The following APC variants were observed in gnomAD, a reference collection of about 807,000 sequenced individuals.
The protein encoded by APC is APC regulator of Wnt signaling pathway.
Under a neutral mutation model 247.0 loss-of-function variants are expected in APC, and 72 were observed. That is an observed-to-expected ratio of 0.29 (90% CI 0.24 to 0.35). The LOEUF (loss-of-function observed/expected upper bound fraction) is 0.35, where lower values mean the gene tolerates loss of function less well. Among genes scored for constraint, APC ranks in the 10% least tolerant of loss-of-function variants. The probability of loss-of-function intolerance (pLI) is 1.00; values close to 1 mark genes in which losing one functional copy is unlikely to be tolerated. For missense variants in APC, 3,400 were observed against 3,360.7 expected (o/e 1.01, Z -0.29); for synonymous variants, 1,254 against 1,162.5 (o/e 1.08, Z -1.60).
chr5:112,740,423 G>T (rs1344483877), intron 1 of APC, among the ~76,000 whole-genome samples: 1 of 151,718 alleles, frequency 6.6e-6, no homozygotes, highest in African/African-American at 2.4e-5. Context: ...CTCTGATATG[G>T]CCTGAATTGT....
intron 4 of APC, among the ~76,000 whole-genome samples, chr5:112,767,826 T>C (rs900344057): frequency 2.0e-5 from 3 of 149,784 alleles, no homozygotes; most frequent in African/African-American, 7.4e-5. Context: ...AGACGGGGTT[T>C]CTTCATGTTG....
At chr5:112,757,997 C>G (rs1755187818) in intron 2 of APC, among the ~76,000 whole-genome samples, 1 of 152,140 alleles carries the variant, frequency 6.6e-6, no homozygotes, top group East Asian at 1.9e-4. Flanking sequence ...GATGCCTGAG[C>G]TTTATTTTAA....
At chr5:112,829,213 A>C (rs1764057631) in intron 14 of APC, 1 of 386,474 alleles carries the variant, frequency 2.6e-6, no homozygotes, top group Non-Finnish European at 4.9e-6. Context: ...ATCTTGGCTC[A>C]CTGCAACCTC....
intron 1 of APC, among the ~76,000 whole-genome samples, chr5:112,719,003 A>G (rs1464787996): frequency 6.6e-6 from 1 of 152,174 alleles, no homozygotes; most frequent in Non-Finnish European, 1.5e-5. Context: ...GACAGAGGAT[A>G]TTTTGTATGA....
chr5:112,794,714 C>T (rs138697007), intron 7 of APC, among the ~76,000 whole-genome samples: 1 of 152,308 alleles, frequency 6.6e-6, no homozygotes, highest in African/African-American at 2.4e-5. Context: ...CAAGACTGCT[C>T]CCACCTCAGA....
At chr5:112,789,290 A>G (rs1050450399) in intron 6 of APC, among the ~76,000 whole-genome samples, 1 of 152,242 alleles carries the variant, frequency 6.6e-6, no homozygotes, top group African/African-American at 2.4e-5. Flanking sequence ...TGCTGCAGTG[A>G]GCATTTCCTT....
At chr5:112,760,485 A>G (rs753225176) in intron 2 of APC, among the ~76,000 whole-genome samples, 28 of 152,114 alleles carry the variant, frequency 1.8e-4, no homozygotes, top group Non-Finnish European at 3.2e-4. Flanking sequence ...TGAGTTTACA[A>G]CCTCCAAGAG....
intron 1 of APC, among the ~76,000 whole-genome samples, chr5:112,730,053 G>A (rs899420517): frequency 6.6e-6 from 1 of 152,098 alleles, no homozygotes; most frequent in African/African-American, 2.4e-5. Context: ...ACATAAAGAT[G>A]TCTCCTGCAT....
At chr5:112,752,535 GCT>G (rs895290551) in intron 1 of APC, among the ~76,000 whole-genome samples, 2 of 152,174 alleles carry the variant, frequency 1.3e-5, no homozygotes, top group African/African-American at 2.4e-5. Flanking sequence ...AGGTTTGCAT[GCT>G]CTCAGTAAAG....
chr5:112,806,479 A>G (rs1761393443), intron 8 of APC, among the ~76,000 whole-genome samples: 1 of 152,196 alleles, frequency 6.6e-6, no homozygotes, highest in South Asian at 2.1e-4. Flanking sequence ...CTTAGGAGTA[A>G]ATTATACAGG....
intron 2 of APC, among the ~76,000 whole-genome samples, chr5:112,756,775 A>G: frequency 6.6e-6 from 1 of 152,198 alleles, no homozygotes; most frequent in African/African-American, 2.4e-5. Context: ...TCAAATTTCT[A>G]CAGTGGAATA....
chr5:112,811,967 G>C (rs964272116), intron 8 of APC, among the ~76,000 whole-genome samples: 2 of 152,094 alleles, frequency 1.3e-5, no homozygotes, highest in Non-Finnish European at 2.9e-5. Context: ...GGCTATTGAA[G>C]GCCTCAGATC....
chr5:112,769,725 G>A (rs1180281397), intron 4 of APC, among the ~76,000 whole-genome samples: 1 of 152,098 alleles, frequency 6.6e-6, no homozygotes, highest in Non-Finnish European at 1.5e-5. Context: ...TTGTGGCATT[G>A]TTGTGAAAAT....
intron 7 of APC, among the ~76,000 whole-genome samples, chr5:112,800,284 C>T (rs938832187): frequency 3.3e-5 from 5 of 152,120 alleles, no homozygotes; most frequent in Non-Finnish European, 7.4e-5. Flanking sequence ...GTATGTATAT[C>T]TATTCTTGTG....
At chr5:112,817,632 T>C (rs1346043363) in intron 9 of APC, among the ~76,000 whole-genome samples, 2 of 152,226 alleles carry the variant, frequency 1.3e-5, no homozygotes, top group Non-Finnish European at 2.9e-5. Flanking sequence ...GTGTGAAAAC[T>C]GGCAATTAGA....
In APC at chr5:112,792,673, T is replaced by G. The variant is rs1306955104; in HGVS notation, c.729+144T>G. Reference sequence around the variant, plus strand: ...AATACCGTAATTTTTTTCGTGAAATTAAATTATCAAAGATTTGGACTATTT... The same window carrying G: ...AATACCGTAATTTTTTTCGTGAAATGAAATTATCAAAGATTTGGACTATTT... On this transcript the variant is annotated intron_variant, in intron 7 of 15. Coordinates refer to ENST00000257430, the MANE Select transcript of APC (RefSeq NM_000038.6). The G allele has an allele frequency of 7.6e-5, 50 of 656,846 alleles. 1 individual carries two copies. The South Asian group carries it at 8.6e-4, about 11-fold the overall frequency. 40.7% of individuals were successfully genotyped at this position (656,846 alleles called of 1,614,324 possible).
upstream of APC, among the ~76,000 whole-genome samples, chr5:112,737,653 C>G (rs528272973): frequency 6.6e-6 from 1 of 152,334 alleles, no homozygotes; most frequent in East Asian, 1.9e-4. Context: ...ACTGGGGCCG[C>G]GAGGGCATAC....
At position 112,842,124 on chromosome 5, in the gene APC, A is replaced by C; in HGVS notation, c.6530A>C (p.Glu2177Ala). Residue 2177 changes from glutamate to alanine, a missense_variant, in exon 16 of 16, where the codon GAA becomes GCA. By Grantham distance (107) the Glu-to-Ala change is moderately radical. Transcript: ENST00000257430. ...ILKPGEKSTL[E>A]TKKIESESKG... ...AAACCAGGGGAGAAAAGTACATTGG[A>C]AACTAAAAAGATAGAATCTGAAAGT... The C allele has an allele frequency of 6.2e-7, 1 of 1,611,266 alleles. No homozygotes were observed. The highest frequency in any genetic ancestry group is 8.5e-7 in the Non-Finnish European group (1 of 1,178,356).
chr5:112,707,679 T>A lies in APC; in HGVS notation c.-39T>A, dbSNP rs1466692709. On this transcript the variant is annotated 5_prime_UTR_variant, in exon 1 of 14. Transcript: ENST00000507379. ...TGTTGTTGGCTGTTGGTGAGGAAGG[T>A]GAAGCACTCAGTTGCCTTCTCGGGC... 8.8e-6 allele frequency: 12 copies of A among 1,370,186 alleles called. No homozygotes were observed. In the Admixed American group the frequency reaches 1.1e-4, roughly 12 times the overall value. The allele number at this position is 1,370,186 out of a possible 1,614,324, so 84.9% of individuals were successfully genotyped here.
Sources: gnomAD v4.1 joint callset for allele counts (sites outside exome capture counted in the v4.1 genomes callset) on GRCh38, gnomAD v4.1.1 for gene constraint, MANE v1.5 for transcripts, NCBI Gene and HGNC (gene_info 2026-07-23, HGNC 2026-07-21) for gene names.